NADK: variants seen among roughly 807,000 people sequenced by gnomAD.
NADK encodes the protein poly(P)/ATP NAD kinase.
A neutral mutation model predicts 49.8 loss-of-function variants in NADK; 22 were observed. The ratio of observed to expected loss-of-function variants is 0.44; its 90% CI spans 0.32 to 0.63. NADK has a LOEUF of 0.63. Among genes scored for constraint, NADK ranks in the 30% least tolerant of loss-of-function variants. The pLI is 0.06. For missense variants in NADK, 438 were observed against 609.4 expected (o/e 0.72, Z 2.96); for synonymous variants, 268 against 253.7 (o/e 1.06, Z -0.54).
At chr1:1,776,995 T>C (rs1250705239) in intron 1 of NADK, among the ~76,000 whole-genome samples, 1 of 152,082 alleles carries the variant, frequency 6.6e-6, no homozygotes, top group Non-Finnish European at 1.5e-5. Flanking sequence ...GGAGGATCAA[T>C]TGAGCCCAGG....
At chr1:1,758,733 GA>G (rs1557842193) in intron 3 of NADK, 2 of 866,468 alleles carry the variant, frequency 2.3e-6, no homozygotes, top group Non-Finnish European at 2.8e-6. Context: ...AATCCCTTCT[GA>G]AAAAAAGTCC....
intron 1 of NADK, among the ~76,000 whole-genome samples, chr1:1,776,795 G>A (rs936923401): frequency 1.0e-3 from 129 of 125,396 alleles, no homozygotes; most frequent in African/African-American, 3.2e-3. Context: ...AAAAAAAAAA[G>A]ACTGGTCAAA....
chr1:1,756,452 G>A, intron 5 of NADK, 51 bp downstream of exon 5: 1 of 1,612,516 alleles, frequency 6.2e-7, no homozygotes, highest in Non-Finnish European at 8.5e-7. Context: ...GCTTCCAATG[G>A]GGCGGGGAAC....
chr1:1,772,694 T>A (rs1646087353), intron 1 of NADK, among the ~76,000 whole-genome samples: 1 of 151,884 alleles, frequency 6.6e-6, no homozygotes, highest in African/African-American at 2.4e-5. Flanking sequence ...TTAGCAGTAT[T>A]TCAATTCCCT....
At chr1:1,766,397 A>G (rs1645885797) in intron 1 of NADK, among the ~76,000 whole-genome samples, 1 of 141,158 alleles carries the variant, frequency 7.1e-6, no homozygotes, top group African/African-American at 2.8e-5. Flanking sequence ...CAAGAACGAA[A>G]GAAACTCCGT....
At chr1:1,758,679 C>T (rs1413941719) in intron 3 of NADK, 2 of 1,300,416 alleles carry the variant, frequency 1.5e-6, no homozygotes, top group Non-Finnish European at 2.0e-6. Flanking sequence ...AAAAATCAAA[C>T]AAAACAAAAC....
chr1:1,774,552 C>A (rs1646152751), intron 1 of NADK, among the ~76,000 whole-genome samples: 1 of 151,282 alleles, frequency 6.6e-6, no homozygotes, highest in Non-Finnish European at 1.5e-5. Flanking sequence ...CCGCGCACGG[C>A]CACCATTATG....
chr1:1,772,978 T>A (rs911117872), intron 1 of NADK, among the ~76,000 whole-genome samples: 16 of 137,668 alleles, frequency 1.2e-4, no homozygotes, highest in Admixed American at 5.2e-4. Context: ...GAGGGGGAGG[T>A]TGCGGTGAGC....
At chr1:1,758,755 A>T in intron 3 of NADK, 1 of 652,492 alleles carries the variant, frequency 1.5e-6, no homozygotes, top group East Asian at 1.4e-4. Context: ...TCAGTTCAGC[A>T]GCAAAGAGGC....
At chr1:1,774,379 C>T (rs576323182) in intron 1 of NADK, among the ~76,000 whole-genome samples, 162 of 152,176 alleles carry the variant, frequency 1.1e-3, no homozygotes, top group Non-Finnish European at 1.8e-3. Flanking sequence ...TACAGGTGTG[C>T]GCCACCACGC....
chr1:1,760,393 C>T (rs114185462), intron 3 of NADK, among the ~76,000 whole-genome samples: 124 of 152,330 alleles, frequency 8.1e-4, no homozygotes, highest in African/African-American at 2.8e-3. Flanking sequence ...CCGCGGGGCC[C>T]ACACTTTGCA....
intron 7 of NADK, among the ~76,000 whole-genome samples, chr1:1,755,136 TGA>T (rs1276922654): frequency 6.6e-6 from 1 of 152,178 alleles, no homozygotes; most frequent in East Asian, 1.9e-4. Context: ...CTGTGCCTTC[TGA>T]GAGTGAGAAT....
At position 1,752,291 on chromosome 1, in the gene NADK, C is replaced by G. The variant is rs1011855764; in HGVS notation, c.*613G>C. On this transcript the variant is annotated 3_prime_UTR_variant, in exon 12 of 12. Transcript: ENST00000341426. ...TGTGTGGGTCGCTGGCGATGCCAGCCCCCTTCCCGCTGAGTGTCCCAGACT... is the reference window on the plus strand; with the variant it reads ...TGTGTGGGTCGCTGGCGATGCCAGCGCCCTTCCCGCTGAGTGTCCCAGACT... 5 of 152,718 alleles carry G rather than the reference C, an allele frequency of 3.3e-5. No individual in the cohort carries two copies. Among genetic ancestry groups the G allele is most frequent in the African/African-American group, 1.2e-4 (5 of 41,594 alleles). The allele number at this position is 152,718 out of a possible 1,614,324, so 9.5% of individuals were successfully genotyped here. A position where few individuals can be genotyped will look rare whatever the true frequency, so the allele number is the denominator to read the frequency against.
chr1:1,757,366 G>T, intron 3 of NADK, 56 bp from the exon 4 acceptor site: 1 of 1,433,592 alleles, frequency 7.0e-7, no homozygotes, highest in Non-Finnish European at 9.6e-7. Context: ...TTGCGGAAAA[G>T]GTGTATGACT....
chr1:1,780,169 C>T (rs957203764), upstream of NADK: 1 of 152,386 alleles, frequency 6.6e-6, no homozygotes, highest in Non-Finnish European at 1.5e-5. Flanking sequence ...CTGCCCAGTT[C>T]TTTTTCTTTG....
At chr1:1,759,818 C>A in intron 3 of NADK, 3 of 1,553,064 alleles carry the variant, frequency 1.9e-6, no homozygotes, top group Non-Finnish European at 2.6e-6. Context: ...GCAGAACATG[C>A]ACCTGTCCGG....
At chr1:1,755,903 C>T in intron 6 of NADK, 1 of 465,724 alleles carries the variant, frequency 2.1e-6, no homozygotes, top group Non-Finnish European at 3.9e-6. Context: ...ACAGCGTGGC[C>T]CTACAGCCCC....
At chr1:1,758,115 G>A (rs535900146) in intron 3 of NADK, among the ~76,000 whole-genome samples, 244 of 152,334 alleles carry the variant, frequency 1.6e-3, no homozygotes, top group African/African-American at 5.6e-3. Context: ...GCTGGCCACC[G>A]TCGTCAGCGC....
At chr1:1,760,882 T>C (rs1107910) in intron 3 of NADK, among the ~76,000 whole-genome samples, 60,364 of 151,984 alleles carry the variant, frequency 0.4, 12,304 homozygotes, top group Middle Eastern at 0.5. Context: ...CCAGGCGGAA[T>C]GCACTTTGAT....
Sources: allele counts gnomAD v4.1 joint callset (sites outside exome capture counted in the v4.1 genomes callset), GRCh38; gene constraint gnomAD v4.1.1; transcripts MANE v1.5; gene names NCBI Gene and HGNC (gene_info 2026-07-23, HGNC 2026-07-21).